Variants in COX5A observed in about 807,000 individuals in gnomAD.
COX5A encodes cytochrome c oxidase subunit 5A, mitochondrial.
In COX5A, 6 loss-of-function variants were observed where a neutral mutation model predicts 16.1. That is an observed-to-expected ratio of 0.37 (90% CI 0.20 to 0.73). The LOEUF (loss-of-function observed/expected upper bound fraction) is 0.73, where lower values mean the gene tolerates loss of function less well. Among genes scored for constraint, COX5A ranks in the 30% least tolerant of loss-of-function variants. The pLI, the probability that COX5A is intolerant of heterozygous loss-of-function variation, is 0.50. For missense variants in COX5A, 159 were observed against 194.9 expected (o/e 0.82, Z 1.10); for synonymous variants, 73 against 73.8 (o/e 0.99, Z 0.06).
At chr15:74,924,439 T>C (rs994091473) in intron 3 of COX5A, among the ~76,000 whole-genome samples, 3 of 151,910 alleles carry the variant, frequency 2.0e-5, no homozygotes, top group Admixed American at 2.0e-4. Flanking sequence ...CGGGAATGCT[T>C]GAACTAGGGA....
intron 1 of COX5A, among the ~76,000 whole-genome samples, chr15:74,936,333 A>C (rs927074139): frequency 2.6e-5 from 4 of 151,958 alleles, no homozygotes; most frequent in Admixed American, 2.6e-4. Flanking sequence ...ACAAGGAGTC[A>C]GTTTCCCAAG....
At chr15:74,930,808 G>A (rs1435561605) in intron 1 of COX5A, among the ~76,000 whole-genome samples, 2 of 149,654 alleles carry the variant, frequency 1.3e-5, no homozygotes, top group East Asian at 4.0e-4. Flanking sequence ...ACCAGGTCAG[G>A]ATATCGAAAC....
intron 1 of COX5A, among the ~76,000 whole-genome samples, chr15:74,930,592 C>CA (rs1441352272): frequency 6.6e-6 from 1 of 150,558 alleles, no homozygotes; most frequent in Non-Finnish European, 1.5e-5. Flanking sequence ...ACTGCAGCCT[C>CA]AAATTCTTTG....
In COX5A at chr15:74,928,850, T is replaced by C. The variant is rs2065354627; in HGVS notation, c.217+266A>G. Among the ~76,000 whole-genome samples the C allele has an allele frequency of 2.0e-5, 3 of 152,262 alleles. No homozygotes were observed. In the South Asian group the frequency reaches 6.2e-4, roughly 32 times the overall value. On this transcript the variant is annotated intron_variant, in intron 2 of 4. Transcript: ENST00000322347. Reference sequence around the variant, plus strand: ...ATACGAATGTGTGCATACTGGCTCCTAGCAGGTAGAGGCCAAAGGTGATGC... The same window carrying C: ...ATACGAATGTGTGCATACTGGCTCCCAGCAGGTAGAGGCCAAAGGTGATGC...
At chr15:74,936,794 A>AT (rs911744345) in intron 1 of COX5A, among the ~76,000 whole-genome samples, 2 of 151,332 alleles carry the variant, frequency 1.3e-5, no homozygotes, top group Admixed American at 6.6e-5. Context: ...ACCCAGCTAA[A>AT]TTTTTTGTAT....
At chr15:74,922,692 G>A (rs900305719) in intron 4 of COX5A, among the ~76,000 whole-genome samples, 1 of 140,848 alleles carries the variant, frequency 7.1e-6, no homozygotes, top group African/African-American at 2.7e-5. Flanking sequence ...TTGAGACAGA[G>A]TCTCACTCTG....
chr15:74,920,462 G>C lies in COX5A; in HGVS notation c.*10-20C>G, dbSNP rs1566976385. 1.5e-6 allele frequency: 1 copy of C among 683,898 alleles called. No individual in the cohort carries two copies. Among genetic ancestry groups the C allele is most frequent in the African/African-American group, 1.8e-5 (1 of 56,026 alleles). The allele number at this position is 683,898 out of a possible 1,614,324, so 42.4% of individuals were successfully genotyped here. A position where few individuals can be genotyped will look rare whatever the true frequency, so the allele number is the denominator to read the frequency against. ...GCCCATCTGTAAGAGAAAACACAAA[G>C]AATTAGCCAGGAAAGAATAAAGAAA... is the stretch of plus-strand genomic sequence containing the variant. On this transcript the variant is annotated intron_variant, in intron 4 of 4. Coordinates refer to ENST00000322347, the MANE Select transcript of COX5A (RefSeq NM_004255.4).
chr15:74,931,707 C>G (rs1160720835), intron 1 of COX5A, among the ~76,000 whole-genome samples: 2 of 151,998 alleles, frequency 1.3e-5, no homozygotes, highest in Non-Finnish European at 1.5e-5. Context: ...GCGAGCGCCA[C>G]TAAGCTTGGC....
chr15:74,935,599 CA>C (rs1301595215), intron 1 of COX5A, among the ~76,000 whole-genome samples: 30 of 146,214 alleles, frequency 2.1e-4, no homozygotes, highest in South Asian at 4.3e-4. Context: ...AGACTATCAC[CA>C]AAAAAAAAAA....
intron 1 of COX5A, among the ~76,000 whole-genome samples, chr15:74,936,141 A>G (rs1271995929): frequency 6.6e-6 from 1 of 151,910 alleles, no homozygotes; most frequent in East Asian, 1.9e-4. Flanking sequence ...AAACACAAAA[A>G]GTAGCCGGGC....
In COX5A at chr15:74,929,218, G is replaced by C. The variant is rs200811470; in HGVS notation, c.115C>G (p.Arg39Gly). 6.8e-6 allele frequency: 11 copies of C among 1,608,846 alleles called. No homozygotes were observed. The highest frequency in any genetic ancestry group is 1.6e-4 in the Middle Eastern group (1 of 6,082). The change falls in exon 2 of 5, where the codon CGC becomes GGC. Residue 39 changes from arginine to glycine, a missense_variant. Physicochemically the swap from Arg to Gly is moderately radical, Grantham distance 125. Coordinates refer to ENST00000322347, the MANE Select transcript of COX5A (RefSeq NM_004255.4). Reference sequence around the variant, plus strand: ...TCCTGTGACCCATGGGAATAGCAGCGAACTGACTGGATAGCTATAATGTGA... The same window carrying C: ...TCCTGTGACCCATGGGAATAGCAGCCAACTGACTGGATAGCTATAATGTGA... ...PGPAVAIQSV[R>G]CYSHGSQETD... is the part of the protein sequence containing the mutation.
At chr15:74,930,845 G>A (rs1477165348) in intron 1 of COX5A, among the ~76,000 whole-genome samples, 4 of 149,694 alleles carry the variant, frequency 2.7e-5, no homozygotes, top group Non-Finnish European at 4.5e-5. Flanking sequence ...GTGAAACCCC[G>A]TCTCTACTAA....
At chr15:74,922,447 C>T (rs973121741) in intron 4 of COX5A, among the ~76,000 whole-genome samples, 10 of 151,656 alleles carry the variant, frequency 6.6e-5, no homozygotes, top group Middle Eastern at 3.4e-3. Flanking sequence ...TGTTCAGTTT[C>T]TCAACAGGAA....
At chr15:74,930,081 A>AAAACAAAC (rs770038128) in intron 1 of COX5A, among the ~76,000 whole-genome samples, 1 of 150,852 alleles carries the variant, frequency 6.6e-6, no homozygotes, top group Non-Finnish European at 1.5e-5. Context: ...TCCAACTCAA[A>AAAACAAAC]AAACAAACAA....
At chr15:74,924,211 T>C (rs1377549982) in intron 3 of COX5A, among the ~76,000 whole-genome samples, 1 of 151,270 alleles carries the variant, frequency 6.6e-6, no homozygotes, top group Non-Finnish European at 1.5e-5. Context: ...ACAAAACAGG[T>C]CATCTACTTT....
intron 3 of COX5A, among the ~76,000 whole-genome samples, chr15:74,924,009 G>A (rs1478766377): frequency 2.0e-5 from 3 of 151,652 alleles, no homozygotes; most frequent in Non-Finnish European, 4.4e-5. Context: ...GTGAAATCCC[G>A]TCTCTACTAA....
chr15:74,936,926 G>A (rs1169789510), intron 1 of COX5A, among the ~76,000 whole-genome samples: 2 of 152,116 alleles, frequency 1.3e-5, no homozygotes, highest in South Asian at 2.1e-4. Flanking sequence ...ACCGCGCCCG[G>A]CTGAGTTCTT....
rs1371285559 is a variant in COX5A at position 74,937,895 on chromosome 15, G to A, written c.100+20C>T. 1.2e-5 allele frequency: 15 copies of A among 1,224,036 alleles called. No individual in the cohort carries two copies. Among genetic ancestry groups the A allele is most frequent in the African/African-American group, 9.3e-5 (6 of 64,182 alleles). 75.8% of individuals were successfully genotyped at this position (1,224,036 alleles called of 1,614,324 possible). ...CCGCAAGGACACGAGGGCGCGGGCA[G>A]TGGCAAGCAGGGGCCTTACCCACGG... On this transcript the variant is annotated intron_variant, in intron 1 of 4. Transcript: ENST00000322347.
chr15:74,923,872 G>T, intron 3 of COX5A, 102 bp from the exon 4 acceptor site: 1 of 729,558 alleles, frequency 1.4e-6, no homozygotes, highest in Non-Finnish European at 2.4e-6. Context: ...TGCAGAGGCA[G>T]GTAGGACAGA....
Sources: gnomAD v4.1 joint callset for allele counts (sites outside exome capture counted in the v4.1 genomes callset) on GRCh38, gnomAD v4.1.1 for gene constraint, MANE v1.5 for transcripts, NCBI Gene and HGNC (gene_info 2026-07-23, HGNC 2026-07-21) for gene names.